PCDHGA5: variants seen among roughly 807,000 people sequenced by gnomAD.
The protein encoded by PCDHGA5 is protocadherin gamma subfamily A, 5, also known as protocadherin gamma-A5.
A neutral mutation model predicts 56.7 loss-of-function variants in PCDHGA5; 36 were observed. The observed-to-expected ratio is 0.64, with a 90% CI of 0.49 to 0.84. The LOEUF is 0.84. PCDHGA5 is among the 40% of genes least tolerant of loss of function. The pLI is 0.00. For missense variants in PCDHGA5, 1,305 were observed against 1,201.5 expected (o/e 1.09, Z -1.27); for synonymous variants, 563 against 520.2 (o/e 1.08, Z -1.12).
At chr5:141,427,984 C>G (rs754620535) in intron 1 of PCDHGA5, 2 of 1,597,494 alleles carry the variant, frequency 1.3e-6, no homozygotes, top group South Asian at 2.2e-5. Flanking sequence ...GCGCTGGGGC[C>G]CGATGGCTCC....
rs369851570 is a variant in PCDHGA5, at chr5:141,408,393, G to T, written c.2421+41642G>T. 1.7e-5 allele frequency: 28 copies of T among 1,613,918 alleles called. No individual in the cohort carries two copies. In the Admixed American group the frequency reaches 2.2e-4, roughly 12 times the overall value. On this transcript the variant is annotated intron_variant, in intron 1 of 3. Coordinates refer to ENST00000518069, the MANE Select transcript of PCDHGA5 (RefSeq NM_018918.3). Reference sequence around the variant, plus strand: ...CTCAGTGTCCTGGATGTGTCGGCTCGCAAGCTGCGAGTGAGCGCGGAGAAG... The same window carrying T: ...CTCAGTGTCCTGGATGTGTCGGCTCTCAAGCTGCGAGTGAGCGCGGAGAAG...
Position 141,364,412 on chromosome 5 carries a change from T to C in PCDHGA5, c.82T>C (p.Ser28Pro), listed in dbSNP as rs1423662682. 1.2e-6 allele frequency: 2 copies of C among 1,612,244 alleles called. No individual in the cohort carries two copies. The highest frequency in any genetic ancestry group is 2.2e-5 in the East Asian group (1 of 44,870). Residue 28 changes from serine to proline, a missense_variant, in exon 1 of 4, where the codon TCC becomes CCC. Coordinates refer to ENST00000518069, the MANE Select transcript of PCDHGA5 (RefSeq NM_018918.3). ...CCTGGGGACGCTGTGCGAGCCAGGA[T>C]CCGGGCAGATCCGCTACTCGATGCC... ...MLLGTLCEPG[S>P]GQIRYSMPEE...
chr5:141,372,826 C>T lies in PCDHGA5; in HGVS notation c.2421+6075C>T, dbSNP rs376912168. 327 of 1,554,742 alleles carry T rather than the reference C, an allele frequency of 2.1e-4. 8 individuals are homozygous for T. The South Asian group carries it at 3.7e-3, about 18-fold the overall frequency. ...TTGCAAAAGGTGAGTTTCTTCAAAC[C>T]TTTCCTTCCATAAATATAATTGGGT... is the stretch of plus-strand genomic sequence containing the variant. On this transcript the variant is annotated intron_variant, in intron 1 of 3. Coordinates refer to ENST00000518069, the MANE Select transcript of PCDHGA5 (RefSeq NM_018918.3).
intron 3 of PCDHGA5, 62 bp downstream of exon 3, chr5:141,505,543 C>T: frequency 6.2e-7 from 1 of 1,609,636 alleles, no homozygotes; most frequent in Non-Finnish European, 8.5e-7. Flanking sequence ...GTGCATCTCA[C>T]AGCCACCATG....
intron 1 of PCDHGA5, chr5:141,392,285 A>G (rs554377698): frequency 6.6e-6 from 1 of 152,312 alleles, no homozygotes; most frequent in East Asian, 1.9e-4. Flanking sequence ...TTAGAGCACA[A>G]TGGGAAATGA....
chr5:141,397,375 T>C (rs2093516481), intron 1 of PCDHGA5, among the ~76,000 whole-genome samples: 1 of 152,174 alleles, frequency 6.6e-6, no homozygotes, highest in South Asian at 2.1e-4. Context: ...TGTTTGGGGA[T>C]TGGTATAAAA....
intron 3 of PCDHGA5, among the ~76,000 whole-genome samples, chr5:141,507,898 C>T (rs577177417): frequency 1.3e-5 from 2 of 152,310 alleles, no homozygotes; most frequent in East Asian, 1.9e-4. Flanking sequence ...TTCCTGAAGT[C>T]CAGCCCAGCC....
At chr5:141,458,921 C>T (rs1471065767) in intron 1 of PCDHGA5, among the ~76,000 whole-genome samples, 1 of 151,960 alleles carries the variant, frequency 6.6e-6, no homozygotes, top group East Asian at 1.9e-4. Flanking sequence ...TTTGTGGAGA[C>T]GGGGTCTCAC....
intron 1 of PCDHGA5, chr5:141,370,971 G>C: frequency 1.2e-6 from 2 of 1,614,016 alleles, no homozygotes; most frequent in Non-Finnish European, 1.7e-6. Flanking sequence ...TAGGTACCCA[G>C]AGCTAGTACT....
intron 1 of PCDHGA5, among the ~76,000 whole-genome samples, chr5:141,369,320 G>T (rs775938147): frequency 6.6e-6 from 1 of 152,104 alleles, no homozygotes. Flanking sequence ...TACTTGAGAA[G>T]AAACAGTACA....
chr5:141,421,713 T>G, intron 1 of PCDHGA5: 1 of 1,613,932 alleles, frequency 6.2e-7, no homozygotes, highest in South Asian at 1.1e-5. Flanking sequence ...GGGATCCAGA[T>G]GTGGGCGTGA....
chr5:141,369,524 C>T (rs1232865331), intron 1 of PCDHGA5, among the ~76,000 whole-genome samples: 1 of 152,138 alleles, frequency 6.6e-6, no homozygotes, highest in Non-Finnish European at 1.5e-5. Context: ...AGTTTTCAAT[C>T]ATACTTATTT....
At chr5:141,418,629 C>T in intron 1 of PCDHGA5, 1 of 1,614,014 alleles carries the variant, frequency 6.2e-7, no homozygotes, top group Non-Finnish European at 8.5e-7. Context: ...GACGTGCCTC[C>T]AGGCACCTCC....
intron 1 of PCDHGA5, chr5:141,395,206 A>T: frequency 1.9e-6 from 3 of 1,613,736 alleles, no homozygotes; most frequent in Non-Finnish European, 2.5e-6. Flanking sequence ...GTAGATTTTC[A>T]TGAATATAAG....
intron 1 of PCDHGA5, chr5:141,413,419 A>C: frequency 6.2e-7 from 1 of 1,614,084 alleles, no homozygotes; most frequent in Non-Finnish European, 8.5e-7. Context: ...TTTCTCTCTG[A>C]ACCCGCGCAG....
chr5:141,439,618 C>T (rs964445098), intron 1 of PCDHGA5, among the ~76,000 whole-genome samples: 2 of 152,178 alleles, frequency 1.3e-5, no homozygotes, highest in East Asian at 3.8e-4. Context: ...GATAAATGAG[C>T]CAATCCCCAG....
chr5:141,423,751 G>GT, intron 1 of PCDHGA5: 12 of 349,026 alleles, frequency 3.4e-5, no homozygotes, highest in Non-Finnish European at 4.3e-5. Context: ...AAAACTGTTT[G>GT]GGGGGGGGGT....
chr5:141,393,052 G>A, intron 1 of PCDHGA5: 1 of 1,613,612 alleles, frequency 6.2e-7, no homozygotes, highest in Non-Finnish European at 8.5e-7. Flanking sequence ...CTGAACCCGC[G>A]CAGCGGCAGC....
chr5:141,440,373 G>A (rs866892003), intron 1 of PCDHGA5: 2 of 152,214 alleles, frequency 1.3e-5, no homozygotes, highest in Non-Finnish European at 2.9e-5. Context: ...GGCCGAGGCA[G>A]GAGAATCGCT....
Sources: allele counts gnomAD v4.1 joint callset (sites outside exome capture counted in the v4.1 genomes callset), GRCh38; gene constraint gnomAD v4.1.1; transcripts MANE v1.5; gene names NCBI Gene and HGNC (gene_info 2026-07-23, HGNC 2026-07-21).